The following PRMT8 variants were observed in gnomAD, a reference collection of about 807,000 sequenced individuals.
The protein encoded by PRMT8 is protein arginine N-methyltransferase 8.
PRMT8 carries 7 observed loss-of-function variants against 47.1 expected under a neutral mutation model. The ratio of observed to expected loss-of-function variants is 0.15; its 90% CI spans 0.08 to 0.28. The LOEUF (loss-of-function observed/expected upper bound fraction) is 0.28. Among genes scored for constraint, PRMT8 ranks in the 10% least tolerant of loss-of-function variants. The probability of loss-of-function intolerance (pLI) is 1.00; values close to 1 mark genes in which losing one functional copy is unlikely to be tolerated. For missense variants in PRMT8, 237 were observed against 505.4 expected (o/e 0.47, Z 5.09); for synonymous variants, 188 against 186.5 (o/e 1.01, Z -0.07).
intron 1 of PRMT8, among the ~76,000 whole-genome samples, chr12:3,497,430 G>T (rs752533450): frequency 1.3e-5 from 2 of 152,208 alleles, no homozygotes; most frequent in African/African-American, 2.4e-5. Flanking sequence ...TCTCCCTGAA[G>T]TCTGAGCTCA....
chr12:3,563,883 T>G (rs985555734), intron 4 of PRMT8, among the ~76,000 whole-genome samples: 1 of 152,166 alleles, frequency 6.6e-6, no homozygotes, highest in Admixed American at 6.5e-5. Flanking sequence ...TTTTTTACTG[T>G]CACAATTAGG....
At chr12:3,528,529 T>G (rs1865978643) in intron 1 of PRMT8, among the ~76,000 whole-genome samples, 3 of 152,190 alleles carry the variant, frequency 2.0e-5, no homozygotes, top group Admixed American at 2.0e-4. Context: ...ATATCTCTAC[T>G]TAACATGCTC....
chr12:3,560,940 C>T (rs1866625822), intron 4 of PRMT8, among the ~76,000 whole-genome samples: 1 of 152,172 alleles, frequency 6.6e-6, no homozygotes, highest in South Asian at 2.1e-4. Flanking sequence ...GCCTCACATA[C>T]AGTAGGTGCT....
chr12:3,397,197 C>G (rs199750552), intron 1 of PRMT8, among the ~76,000 whole-genome samples: 47 of 151,908 alleles, frequency 3.1e-4, no homozygotes, highest in Non-Finnish European at 5.9e-4. Context: ...TCGTCTGAAG[C>G]CTTCTTCTCA....
At position 3,492,659 on chromosome 12, in the gene PRMT8, C is replaced by A. The variant is rs545069449; in HGVS notation, c.75+959C>A. On this transcript the variant is annotated intron_variant, in intron 1 of 9. Transcript: ENST00000382622. The surrounding 1 kb of genome is among the most constrained non-coding windows in gnomAD (Gnocchi z 7.5). ...CCTCCCTCTGACCCCGCTGTCATTACAACAACCGGACTATTCCGTAGGCTC... is the reference window on the plus strand; with the variant it reads ...CCTCCCTCTGACCCCGCTGTCATTAAAACAACCGGACTATTCCGTAGGCTC... Among the ~76,000 whole-genome samples the A allele has an allele frequency of 4.0e-4, 61 of 152,310 alleles. 1 individual carries two copies. Among genetic ancestry groups the A allele is most frequent in the African/African-American group, 1.4e-3 (57 of 41,572 alleles).
At chr12:3,424,936 G>A (rs1448802376) in intron 1 of PRMT8, among the ~76,000 whole-genome samples, 3 of 152,244 alleles carry the variant, frequency 2.0e-5, no homozygotes, top group South Asian at 2.1e-4. Flanking sequence ...GTCAGCTTCC[G>A]GGTGTGACTG....
intron 1 of PRMT8, among the ~76,000 whole-genome samples, chr12:3,471,344 G>C (rs1013432040): frequency 6.6e-6 from 1 of 152,114 alleles, no homozygotes; most frequent in Non-Finnish European, 1.5e-5. Flanking sequence ...GTATCAGTCA[G>C]AATCCCTCAG....
intron 4 of PRMT8, among the ~76,000 whole-genome samples, chr12:3,565,888 A>G (rs1487198134): frequency 6.6e-6 from 1 of 152,138 alleles, no homozygotes; most frequent in Non-Finnish European, 1.5e-5. Flanking sequence ...TGCAGCTCCT[A>G]ATAGAGTCCT....
At chr12:3,533,104 C>G (rs974961427) in intron 1 of PRMT8, among the ~76,000 whole-genome samples, 7 of 151,782 alleles carry the variant, frequency 4.6e-5, no homozygotes, top group African/African-American at 1.7e-4. Flanking sequence ...GAGTTAGAGT[C>G]AGAGATTCTA....
At chr12:3,529,546 T>C (rs1195989176) in intron 1 of PRMT8, among the ~76,000 whole-genome samples, 1 of 152,134 alleles carries the variant, frequency 6.6e-6, no homozygotes, top group South Asian at 2.1e-4. Context: ...AGTGTGTACA[T>C]TGGAATTTCT....
At chr12:3,448,479 T>C (rs1411036377) in intron 1 of PRMT8, among the ~76,000 whole-genome samples, 1 of 152,216 alleles carries the variant, frequency 6.6e-6, no homozygotes, top group Non-Finnish European at 1.5e-5. Context: ...GTGAGAAGAA[T>C]GGCATTATTT....
chr12:3,568,963 T>C, intron 5 of PRMT8, 115 bp downstream of exon 5: 2 of 1,391,458 alleles, frequency 1.4e-6, no homozygotes, highest in Non-Finnish European at 9.9e-7. Flanking sequence ...GGCCAGGAGG[T>C]CACTGCCCCA....
At chr12:3,439,556 C>A (rs1463663684) in intron 1 of PRMT8, among the ~76,000 whole-genome samples, 2 of 152,222 alleles carry the variant, frequency 1.3e-5, no homozygotes, top group Non-Finnish European at 2.9e-5. Context: ...AGTGACTTTC[C>A]TGATGGACTC....
At chr12:3,577,030 C>T in intron 7 of PRMT8, 44 bp downstream of exon 7, 1 of 1,529,594 alleles carries the variant, frequency 6.5e-7, no homozygotes, top group Non-Finnish European at 9.1e-7. Context: ...GCTGGGAGCC[C>T]CGCTGTGCCA....
Position 3,576,843 on chromosome 12 carries a change from G to A in PRMT8, c.713-28G>A. The A allele has an allele frequency of 5.0e-6, 8 of 1,592,704 alleles. No individual in the cohort carries two copies. The highest frequency in any genetic ancestry group is 1.1e-5 in the South Asian group (1 of 90,338). On this transcript the variant is annotated intron_variant, in intron 6 of 9. Transcript: ENST00000382622. The surrounding 1 kb of genome is among the most constrained non-coding windows in gnomAD (Gnocchi z 4.0). ...GTGAGCTTCTGGGGGTCCTGCGCCT[G>A]CCTTCACGTCTTGCTCTGCTCCCAC... is the stretch of plus-strand genomic sequence containing the variant.
chr12:3,481,210 C>CCT (rs910495117), intron 1 of PRMT8, among the ~76,000 whole-genome samples: 5 of 152,206 alleles, frequency 3.3e-5, no homozygotes. Context: ...AGCAGCCAGC[C>CCT]CAGTGCTTTC....
At chr12:3,407,043 G>T (rs1265447465) in intron 1 of PRMT8, among the ~76,000 whole-genome samples, 1 of 152,188 alleles carries the variant, frequency 6.6e-6, no homozygotes, top group Non-Finnish European at 1.5e-5. Context: ...CAGCATGCCT[G>T]GGGAGGATTC....
intron 1 of PRMT8, among the ~76,000 whole-genome samples, chr12:3,529,264 A>C (rs1182539806): frequency 6.6e-6 from 1 of 152,100 alleles, no homozygotes; most frequent in Non-Finnish European, 1.5e-5. Flanking sequence ...CTAGGCAGTA[A>C]GCTGGGGTAA....
At chr12:3,567,821 C>A (rs530236308) in intron 4 of PRMT8, among the ~76,000 whole-genome samples, 1 of 152,318 alleles carries the variant, frequency 6.6e-6, no homozygotes, top group East Asian at 1.9e-4. Context: ...TGCCTGTAAT[C>A]CCAGCACTTT....
Sources: gnomAD v4.1 joint callset for allele counts (sites outside exome capture counted in the v4.1 genomes callset) on GRCh38, gnomAD v4.1.1 for gene constraint, Gnocchi (gnomAD v3.1) non-coding constraint, MANE v1.5 for transcripts, NCBI Gene and HGNC (gene_info 2026-07-23, HGNC 2026-07-21) for gene names.